Variants in ANXA13 observed in about 807,000 individuals in gnomAD.
ANXA13 encodes the protein annexin XIII.
In ANXA13, 36 loss-of-function variants were observed where a neutral mutation model predicts 46.6. That is an observed-to-expected ratio of 0.77 (90% confidence interval 0.59 to 1.02). The LOEUF (loss-of-function observed/expected upper bound fraction) is 1.02. Ranked by LOEUF, ANXA13 falls within the 50% of genes least tolerant of loss-of-function variation. The pLI, the probability that ANXA13 is intolerant of heterozygous loss-of-function variation, is 0.00. For missense variants in ANXA13, 417 were observed against 396.5 expected (o/e 1.05, Z -0.44); for synonymous variants, 163 against 152.9 (o/e 1.07, Z -0.49).
intron 1 of ANXA13, chr8:123,729,309 T>C (rs1326369402): frequency 6.6e-6 from 1 of 152,168 alleles, no homozygotes; most frequent in African/African-American, 2.4e-5. Context: ...ACAAAAAGCT[T>C]ATTTTCAGTA....
chr8:123,723,476 C>A (rs548721588), intron 1 of ANXA13, among the ~76,000 whole-genome samples: 48 of 152,310 alleles, frequency 3.2e-4, no homozygotes, highest in African/African-American at 1.0e-3. Context: ...AAAACTGGGA[C>A]AGTTCCAGGT....
At chr8:123,686,841 C>T (rs1045455268) in intron 9 of ANXA13, among the ~76,000 whole-genome samples, 19 of 152,082 alleles carry the variant, frequency 1.2e-4, no homozygotes, top group Non-Finnish European at 2.4e-4. Flanking sequence ...TAGGTGGGAG[C>T]GGGGTGGGAA....
Position 123,693,776 on chromosome 8 carries a change from T to C in ANXA13, c.475A>G (p.Asn159Asp). The C allele has an allele frequency of 6.2e-7, 1 of 1,613,966 alleles. No individual in the cohort carries two copies. The highest frequency in any genetic ancestry group is 8.5e-7 in the Non-Finnish European group (1 of 1,179,908). ...TCCACGTCATCTCCTTCATTGCGAT[T>C]AGCCTAGAAAAATTGACACATTGTT... ...KKILVSLLQA[N>D]RNEGDDVDKD... Residue 159 changes from asparagine to aspartate, a missense_variant, in exon 7 of 11, where the codon AAT (asparagine) becomes GAT (aspartate). By Grantham distance (23) the Asn-to-Asp change is conservative. Transcript: ENST00000419625.
intron 8 of ANXA13, among the ~76,000 whole-genome samples, chr8:123,692,833 T>G (rs1813265519): frequency 6.6e-6 from 1 of 152,232 alleles, no homozygotes; most frequent in Non-Finnish European, 1.5e-5. Flanking sequence ...ACTCTTGGAC[T>G]CTAGAGCTTC....
rs555989704 is a variant in ANXA13, at chr8:123,712,430, C to T, written c.91+248G>A. 1.1e-3 allele frequency: 595 copies of T among 535,230 alleles called. 11 individuals are homozygous for T. The South Asian group carries it at 0.011, about 10-fold the overall frequency. 33.2% of individuals were successfully genotyped at this position (535,230 alleles called of 1,614,324 possible). On this transcript the variant is annotated intron_variant, in intron 2 of 10. Coordinates refer to ENST00000419625, the MANE Select transcript of ANXA13 (RefSeq NM_004306.4). ...ACTGCACTTCTCATGAAGTTTCTCTCACCTCAAGTTCAAATTAAACGTCAC... is the reference window on the plus strand; with the variant it reads ...ACTGCACTTCTCATGAAGTTTCTCTTACCTCAAGTTCAAATTAAACGTCAC...
At chr8:123,710,044 C>A (rs931307239) in intron 2 of ANXA13, among the ~76,000 whole-genome samples, 40 of 152,168 alleles carry the variant, frequency 2.6e-4, no homozygotes, top group African/African-American at 9.7e-4. Flanking sequence ...CAGGTGTGAG[C>A]CACTGCGCCC....
chr8:123,706,205 G>A (rs547423938), intron 2 of ANXA13, among the ~76,000 whole-genome samples: 41 of 152,268 alleles, frequency 2.7e-4, no homozygotes, highest in African/African-American at 9.9e-4. Flanking sequence ...CCTCCATCGT[G>A]GGAATCCAAT....
chr8:123,711,764 G>A, intron 2 of ANXA13: 1 of 152,348 alleles, frequency 6.6e-6, no homozygotes, highest in Non-Finnish European at 1.5e-5. Flanking sequence ...ACCGGCACAT[G>A]CCAATACCCT....
At chr8:123,706,528 C>T (rs1200814910) in intron 2 of ANXA13, among the ~76,000 whole-genome samples, 1 of 152,192 alleles carries the variant, frequency 6.6e-6, no homozygotes, top group East Asian at 1.9e-4. Flanking sequence ...CCTCTCCATT[C>T]CACCTCCTTA....
In ANXA13 at chr8:123,681,284, T is replaced by C; in HGVS notation, c.907A>G (p.Thr303Ala). Reference sequence around the variant, plus strand: ...AGCAGTTTCCGGAAGTCCCCGGAGGTATCTGAGCGAACCATGTCAGAGAGA... The same window carrying C: ...AGCAGTTTCCGGAAGTCCCCGGAGGCATCTGAGCGAACCATGTCAGAGAGA... ...KSLSDMVRSDTSGDFRKLLVA... is the reference protein window; with the variant it reads ...KSLSDMVRSDASGDFRKLLVA... Residue 303 changes from threonine to alanine, a missense_variant, in exon 11 of 11, where the codon ACC (threonine) becomes GCC (alanine). Transcript: ENST00000419625. The C allele has an allele frequency of 6.2e-7, 1 of 1,614,120 alleles. No homozygotes were observed. The highest frequency in any genetic ancestry group is 8.5e-7 in the Non-Finnish European group (1 of 1,179,998).
chr8:123,733,230 CTTAT>C (rs543155407), intron 1 of ANXA13, among the ~76,000 whole-genome samples: 2 of 140,702 alleles, frequency 1.4e-5, no homozygotes, highest in African/African-American at 5.3e-5. Flanking sequence ...AAATAAGGAT[CTTAT>C]TTATTTATTT....
At chr8:123,688,998 G>C in intron 8 of ANXA13, 52 bp from the exon 9 acceptor site, 1 of 1,566,376 alleles carries the variant, frequency 6.4e-7, no homozygotes, top group South Asian at 1.1e-5. Flanking sequence ...TTTGACCTTA[G>C]TACTCTTGGG....
At chr8:123,684,145 T>C (rs1198119607) in intron 10 of ANXA13, among the ~76,000 whole-genome samples, 1 of 152,200 alleles carries the variant, frequency 6.6e-6, no homozygotes, top group East Asian at 1.9e-4. Context: ...AGAACAGCAA[T>C]AGTTTTTAAA....
intron 1 of ANXA13, among the ~76,000 whole-genome samples, chr8:123,718,592 G>C (rs1247949604): frequency 6.6e-6 from 1 of 152,206 alleles, no homozygotes; most frequent in Non-Finnish European, 1.5e-5. Context: ...GGCACTGCCT[G>C]GTGCATGAAC....
intron 2 of ANXA13, 119 bp from the exon 3 acceptor site, chr8:123,702,855 G>T: frequency 1.2e-6 from 1 of 817,138 alleles, no homozygotes; most frequent in Non-Finnish European, 2.1e-6. Context: ...GGTGTCTATG[G>T]AACCCAACGG....
chr8:123,727,903 T>C (rs2129940081), intron 1 of ANXA13: 1 of 152,326 alleles, frequency 6.6e-6, no homozygotes, highest in East Asian at 1.9e-4. Flanking sequence ...TCTTACATTC[T>C]TTAATTTTTT....
At chr8:123,737,074 T>G (rs112411345) in intron 1 of ANXA13, among the ~76,000 whole-genome samples, 3 of 151,792 alleles carry the variant, frequency 2.0e-5, no homozygotes, top group Non-Finnish European at 4.4e-5. Flanking sequence ...TTGGCCAGGC[T>G]GACCTCAAAC....
intron 2 of ANXA13, among the ~76,000 whole-genome samples, chr8:123,709,921 G>A (rs921855777): frequency 1.3e-5 from 2 of 152,086 alleles, no homozygotes; most frequent in Non-Finnish European, 2.9e-5. Flanking sequence ...ACCACACCCG[G>A]CCAATTTTTA....
Position 123,726,287 on chromosome 8 carries a change from G to T in ANXA13, c.15+11033C>A, listed in dbSNP as rs146239282. On this transcript the variant is annotated intron_variant, in intron 1 of 10. Coordinates refer to ENST00000419625, the MANE Select transcript of ANXA13 (RefSeq NM_004306.4). The stretch of plus-strand genomic sequence containing the variant: ...AGCTTCCTTAGGCTATGCCATCTGG[G>T]TTACACGTGTTGATGTGATATTTAC... Among the ~76,000 whole-genome samples the T allele has an allele frequency of 7.9e-3, 1,197 of 152,306 alleles. 19 individuals carry two copies. The highest frequency in any genetic ancestry group is 0.027 in the African/African-American group (1,102 of 41,560).
Sources: allele counts gnomAD v4.1 joint callset (sites outside exome capture counted in the v4.1 genomes callset), GRCh38; gene constraint gnomAD v4.1.1; transcripts MANE v1.5; gene names NCBI Gene and HGNC (gene_info 2026-07-23, HGNC 2026-07-21).